The following RBFOX1 variants were observed in gnomAD, a reference collection of about 807,000 sequenced individuals.
RBFOX1 encodes the protein RNA binding protein fox-1 homolog 1.
Under a neutral mutation model 57.7 loss-of-function variants are expected in RBFOX1, and 8 were observed. The observed-to-expected ratio is 0.14, with a 90% CI of 0.08 to 0.25. The LOEUF is 0.25. RBFOX1 is among the 10% of genes least tolerant of loss of function. The probability of loss-of-function intolerance (pLI) is 1.00; values close to 1 mark genes in which losing one functional copy is unlikely to be tolerated. For synonymous variants in RBFOX1, 326 were observed against 222.4 expected (o/e 1.47, Z -4.15); for missense variants, 611 against 548.5 (o/e 1.11, Z -1.14).
chr16:6,960,581 C>T (rs2082753222), intron 3 of RBFOX1, among the ~76,000 whole-genome samples: 1 of 152,064 alleles, frequency 6.6e-6, no homozygotes, highest in African/African-American at 2.4e-5. Flanking sequence ...CTTCTTACCT[C>T]CTTCCAAACT....
At chr16:6,089,029 G>T (rs2096130209) in intron 1 of RBFOX1, among the ~76,000 whole-genome samples, 1 of 150,478 alleles carries the variant, frequency 6.6e-6, no homozygotes, top group African/African-American at 2.5e-5. Context: ...CCAGGAGGCG[G>T]AGGTTGCAGT....
intron 2 of RBFOX1, among the ~76,000 whole-genome samples, chr16:6,615,702 C>T (rs1005820336): frequency 6.6e-6 from 1 of 152,130 alleles, no homozygotes; most frequent in African/African-American, 2.4e-5. Flanking sequence ...AGGAGAACAT[C>T]AATGCAAACA....
At chr16:6,688,774 G>T (rs1170471257) in intron 3 of RBFOX1, among the ~76,000 whole-genome samples, 3 of 152,082 alleles carry the variant, frequency 2.0e-5, no homozygotes, top group African/African-American at 7.2e-5. Context: ...TTCTCCTAAT[G>T]CCATCCTTCC....
At chr16:7,461,907 G>T (rs1482527152) in intron 4 of RBFOX1, among the ~76,000 whole-genome samples, 1 of 152,186 alleles carries the variant, frequency 6.6e-6, no homozygotes, top group African/African-American at 2.4e-5. Context: ...ACCCACTCCA[G>T]AGAGACTTCT....
intron 4 of RBFOX1, among the ~76,000 whole-genome samples, chr16:5,981,956 G>A (rs995377658): frequency 6.6e-6 from 1 of 152,198 alleles, no homozygotes; most frequent in Non-Finnish European, 1.5e-5. Flanking sequence ...AGTCCCAAAG[G>A]TCAGTGGTGC....
intron 3 of RBFOX1, among the ~76,000 whole-genome samples, chr16:6,774,207 T>G (rs1399653444): frequency 6.6e-6 from 1 of 152,114 alleles, no homozygotes; most frequent in Non-Finnish European, 1.5e-5. Context: ...TATTAGTAGG[T>G]TTCTCTGTCT....
Position 6,978,983 on chromosome 16 carries a change from A to T in RBFOX1, c.-15-73074A>T, listed in dbSNP as rs532446690. 3.9e-5 allele frequency among the ~76,000 whole-genome samples: 6 copies of T among 152,324 alleles called. No homozygotes were observed. In the South Asian group the frequency reaches 6.2e-4, roughly 16 times the overall value. On this transcript the variant is annotated intron_variant, in intron 3 of 15. Transcript: ENST00000550418. ...GGCTGCCACCTGTGCTAAGGCAGGC[A>T]AACTGTTGACTCTTTCTGACATCCA... is the stretch of plus-strand genomic sequence containing the variant.
Position 6,095,927 on chromosome 16 carries a change from C to T in RBFOX1, c.-127+75935C>T, listed in dbSNP as rs190277095. On this transcript the variant is annotated intron_variant, in intron 1 of 15. Coordinates refer to ENST00000550418, the MANE Select transcript of RBFOX1 (RefSeq NM_018723.4). ...CAGGCTCCCAGTGGAGTCTGGTCAT[C>T]AGTCTTCTCCCTTTGGAGCTTGGGC... Among the ~76,000 whole-genome samples the T allele has an allele frequency of 8.7e-4, 133 of 152,312 alleles. 1 individual carries two copies. Among genetic ancestry groups the T allele is most frequent in the African/African-American group, 2.4e-3 (98 of 41,574 alleles).
intron 4 of RBFOX1, among the ~76,000 whole-genome samples, chr16:7,387,523 C>T (rs1457146127): frequency 6.6e-6 from 1 of 152,190 alleles, no homozygotes; most frequent in African/African-American, 2.4e-5. Context: ...CAAAATTGCA[C>T]ATTTGCTGGC....
intron 1 of RBFOX1, among the ~76,000 whole-genome samples, chr16:6,293,121 G>C (rs1293418071): frequency 6.6e-6 from 1 of 152,042 alleles, no homozygotes; most frequent in Non-Finnish European, 1.5e-5. Flanking sequence ...TATTCACTAT[G>C]TGCTTTACAT....
intron 3 of RBFOX1, among the ~76,000 whole-genome samples, chr16:6,956,405 G>C (rs180887271): frequency 6.6e-5 from 10 of 152,314 alleles, no homozygotes; most frequent in Non-Finnish European, 7.3e-5. Context: ...AGCAGGCTCC[G>C]CTGTCTTCCA....
intron 2 of RBFOX1, among the ~76,000 whole-genome samples, chr16:6,321,557 A>T (rs968676978): frequency 5.3e-5 from 8 of 152,164 alleles, no homozygotes; most frequent in Non-Finnish European, 1.0e-4. Context: ...CATCTATTCT[A>T]ACTGGTTGGT....
At chr16:5,813,714 G>T (rs2055519440) in intron 3 of RBFOX1, among the ~76,000 whole-genome samples, 1 of 152,230 alleles carries the variant, frequency 6.6e-6, no homozygotes, top group Admixed American at 6.5e-5. Context: ...CTGAGGAGCT[G>T]ATATATCATG....
intron 1 of RBFOX1, among the ~76,000 whole-genome samples, chr16:6,049,893 C>T (rs1228466670): frequency 2.0e-5 from 3 of 150,740 alleles, no homozygotes; most frequent in Admixed American, 6.6e-5. Flanking sequence ...AAAGGCAGTA[C>T]ACTGTGATTG....
At chr16:7,431,288 A>C (rs953302797) in intron 4 of RBFOX1, 2 of 152,174 alleles carry the variant, frequency 1.3e-5, no homozygotes, top group Non-Finnish European at 2.9e-5. Flanking sequence ...GCAGTGGTGC[A>C]ATCATAGAGC....
intron 1 of RBFOX1, chr16:5,270,813 A>G (rs568954272): frequency 9.0e-6 from 4 of 444,462 alleles, no homozygotes; most frequent in Non-Finnish European, 1.7e-5. Context: ...TAGAAAAGTA[A>G]AAATGCTGGA....
chr16:6,243,044 T>G (rs1198137431), intron 1 of RBFOX1, among the ~76,000 whole-genome samples: 1 of 152,162 alleles, frequency 6.6e-6, no homozygotes, highest in Non-Finnish European at 1.5e-5. Flanking sequence ...ATACTATCAT[T>G]GTTAACAGAG....
chr16:7,697,579 T>C (rs2079189432), intron 14 of RBFOX1, among the ~76,000 whole-genome samples: 1 of 152,164 alleles, frequency 6.6e-6, no homozygotes, highest in Non-Finnish European at 1.5e-5. Flanking sequence ...TATATATGTA[T>C]CACAGTAGTT....
intron 14 of RBFOX1, among the ~76,000 whole-genome samples, chr16:7,697,037 T>C (rs1485973231): frequency 6.6e-6 from 1 of 152,058 alleles, no homozygotes; most frequent in African/African-American, 2.4e-5. Flanking sequence ...CAGAACATAT[T>C]TGGGATTTTA....
Sources: allele counts gnomAD v4.1 joint callset (sites outside exome capture counted in the v4.1 genomes callset), GRCh38; gene constraint gnomAD v4.1.1; transcripts MANE v1.5; gene names NCBI Gene and HGNC (gene_info 2026-07-23, HGNC 2026-07-21).